USP32: variants seen among roughly 807,000 people sequenced by gnomAD.
USP32 encodes ubiquitin carboxyl-terminal hydrolase 32.
Under a neutral mutation model 204.8 loss-of-function variants are expected in USP32, and 59 were observed. That is an observed-to-expected ratio of 0.29 (90% CI 0.23 to 0.36). The LOEUF is 0.36. Among genes scored for constraint, USP32 ranks in the 10% least tolerant of loss-of-function variants. The pLI is 1.00. For synonymous variants in USP32, 517 were observed against 678.4 expected, an observed-to-expected ratio of 0.76 and a Z score of 3.70; for missense variants, 1,160 against 1,946.4, an observed-to-expected ratio of 0.60 and a Z score of 7.60.
intron 27 of USP32, 123 bp downstream of exon 27, chr17:60,198,137 G>T: frequency 7.9e-7 from 1 of 1,272,980 alleles, no homozygotes; most frequent in South Asian, 1.6e-5. Context: ...TATGCTGTCT[G>T]AGTGGTTCTT....
chr17:60,269,719 G>T (rs2086681363), intron 6 of USP32, among the ~76,000 whole-genome samples, 162 bp from the exon 7 acceptor site: 1 of 151,654 alleles, frequency 6.6e-6, no homozygotes, highest in African/African-American at 2.4e-5. Context: ...CTTTCCTCTT[G>T]GTATAATTAT....
At chr17:60,286,216 A>G (rs2087107213) in intron 5 of USP32, among the ~76,000 whole-genome samples, 1 of 152,120 alleles carries the variant, frequency 6.6e-6, no homozygotes, top group Admixed American at 6.5e-5. Flanking sequence ...AGAAATTAAC[A>G]CTTAGGCCTG....
intron 18 of USP32, among the ~76,000 whole-genome samples, chr17:60,213,372 T>C (rs1343378121): frequency 6.6e-6 from 1 of 152,168 alleles, no homozygotes; most frequent in Non-Finnish European, 1.5e-5. Flanking sequence ...CAGAATATTT[T>C]CCCTTTAAAG....
chr17:60,281,343 C>T (rs889010446), intron 5 of USP32, among the ~76,000 whole-genome samples: 20 of 152,104 alleles, frequency 1.3e-4, no homozygotes, highest in Non-Finnish European at 2.4e-4. Context: ...TCAAGAGCAG[C>T]CTGGCCAATA....
At chr17:60,357,547 A>G (rs2089109817) in intron 1 of USP32, among the ~76,000 whole-genome samples, 1 of 152,170 alleles carries the variant, frequency 6.6e-6, no homozygotes, top group South Asian at 2.1e-4. Flanking sequence ...AAATATATAT[A>G]TGTAGATATA....
intron 1 of USP32, chr17:60,421,284 C>G (rs2090110491): frequency 1.2e-6 from 1 of 833,796 alleles, no homozygotes; most frequent in Admixed American, 6.2e-5. Flanking sequence ...AAGACGTTTG[C>G]TGAACATGCT....
chr17:60,338,029 A>G lies in USP32; in HGVS notation c.186+7452T>C, dbSNP rs561291388. ...TAAGAGAAAAACAATGTTGGCTAAAATTGTTGGACGCAGGCAAGGCGTGGT... is the reference window on the plus strand; with the variant it reads ...TAAGAGAAAAACAATGTTGGCTAAAGTTGTTGGACGCAGGCAAGGCGTGGT... On this transcript the variant is annotated intron_variant, in intron 2 of 33. Coordinates refer to ENST00000300896, the MANE Select transcript of USP32 (RefSeq NM_032582.4). 3.0e-4 allele frequency among the ~76,000 whole-genome samples: 45 copies of G among 152,342 alleles called. No homozygotes were observed. The South Asian group carries it at 9.1e-3, about 31-fold the overall frequency.
At chr17:60,198,131 C>T (rs1314278843) in intron 27 of USP32, 129 bp downstream of exon 27, 10 of 1,221,000 alleles carry the variant, frequency 8.2e-6, no homozygotes, top group Non-Finnish European at 1.0e-5. Context: ...GAATTGTATG[C>T]TGTCTGAGTG....
At chr17:60,416,910 T>C (rs536289166) in intron 1 of USP32, among the ~76,000 whole-genome samples, 24 of 148,596 alleles carry the variant, frequency 1.6e-4, no homozygotes, top group African/African-American at 6.0e-4. Flanking sequence ...TGTATGTATA[T>C]ATCCAATTCC....
intron 3 of USP32, among the ~76,000 whole-genome samples, chr17:60,301,122 C>T (rs1296550432): frequency 6.6e-6 from 1 of 152,138 alleles, no homozygotes; most frequent in African/African-American, 2.4e-5. Flanking sequence ...TTTCCATTTT[C>T]TATTATGAAC....
chr17:60,310,571 C>T (rs187520216), intron 2 of USP32, among the ~76,000 whole-genome samples: 46 of 152,080 alleles, frequency 3.0e-4, no homozygotes, highest in Non-Finnish European at 4.3e-4. Flanking sequence ...TGGTGGCACG[C>T]GCCTATAGTC....
chr17:60,398,308 A>G (rs1191197021), intron 1 of USP32, among the ~76,000 whole-genome samples: 2 of 152,200 alleles, frequency 1.3e-5, no homozygotes, highest in Non-Finnish European at 2.9e-5. Context: ...AGGTGGGAGG[A>G]TCACTTGGGC....
At chr17:60,418,353 A>C (rs192465900) in intron 1 of USP32, among the ~76,000 whole-genome samples, 92 of 150,996 alleles carry the variant, frequency 6.1e-4, no homozygotes, top group African/African-American at 2.1e-3. Context: ...TTGGCCTCCC[A>C]AAGTGCTGGG....
chr17:60,371,965 T>C lies in USP32; in HGVS notation c.58+19917A>G, dbSNP rs76713189. 1.6e-3 allele frequency among the ~76,000 whole-genome samples: 249 copies of C among 152,330 alleles called. 1 individual carries two copies. Among genetic ancestry groups the C allele is most frequent in the African/African-American group, 4.9e-3 (203 of 41,580 alleles). ...TCAAAACTTACTACCTAATTTCAGCTGTGAATCCTACGCATATGCTCATAA... is the reference window on the plus strand; with the variant it reads ...TCAAAACTTACTACCTAATTTCAGCCGTGAATCCTACGCATATGCTCATAA... On this transcript the variant is annotated intron_variant, in intron 1 of 33. Coordinates refer to ENST00000300896, the MANE Select transcript of USP32 (RefSeq NM_032582.4).
chr17:60,199,960 C>A (rs1372326610), intron 26 of USP32, among the ~76,000 whole-genome samples: 1 of 152,100 alleles, frequency 6.6e-6, no homozygotes, highest in Non-Finnish European at 1.5e-5. Context: ...CTTCAGGAGG[C>A]CGAGGCGGGC....
At position 60,181,619 on chromosome 17, in the gene USP32, T is replaced by C. The variant is rs1440978705; in HGVS notation, c.4253A>G (p.Asn1418Ser). ...RLRLPQIGSKNKLSSSKENLD... is the reference protein window; with the variant it reads ...RLRLPQIGSKSKLSSSKENLD... The stretch of plus-strand genomic sequence containing the variant: ...GTTCTCTTTACTACTTGACAGTTTA[T>C]TTTTGCTGCCAATCTGGGGCAGCCG... Residue 1418 changes from asparagine to serine, a missense_variant, in exon 32 of 34, where the codon AAT becomes AGT. Physicochemically the swap from Asn to Ser is conservative, Grantham distance 46. Around this residue, in one of 8 missense-constraint regions of USP32, gnomAD observed 244 missense variants for 342.3 expected, o/e 0.71. Transcript: ENST00000300896. 5 of 1,614,004 alleles carry C rather than the reference T, an allele frequency of 3.1e-6. No homozygotes were observed. Among genetic ancestry groups the C allele is most frequent in the Non-Finnish European group, 4.2e-6 (5 of 1,179,866 alleles).
chr17:60,323,738 C>G (rs773223858), intron 2 of USP32, among the ~76,000 whole-genome samples: 3 of 152,170 alleles, frequency 2.0e-5, no homozygotes, highest in Non-Finnish European at 4.4e-5. Flanking sequence ...CTTTTTATAT[C>G]TCACCTAAAA....
intron 3 of USP32, among the ~76,000 whole-genome samples, chr17:60,296,479 G>C (rs896691338): frequency 1.3e-5 from 2 of 152,160 alleles, no homozygotes; most frequent in African/African-American, 4.8e-5. Flanking sequence ...CATCCTAGAA[G>C]CAACAGAGAA....
intron 4 of USP32, among the ~76,000 whole-genome samples, chr17:60,291,504 T>C (rs1479889674): frequency 1.3e-5 from 2 of 151,910 alleles, no homozygotes; most frequent in Non-Finnish European, 2.9e-5. Flanking sequence ...GGTCCTTATA[T>C]TTTAGCTAAA....
Sources: gnomAD v4.1 joint callset for allele counts (sites outside exome capture counted in the v4.1 genomes callset) on GRCh38, gnomAD v4.1.1 for gene constraint, gnomAD v4.1.1 regional missense constraint, MANE v1.5 for transcripts, NCBI Gene and HGNC (gene_info 2026-07-23, HGNC 2026-07-21) for gene names.